SNX9: variants seen among roughly 807,000 people sequenced by gnomAD.
SNX9 encodes the protein sorting nexin-9.
Under a neutral mutation model 89.4 loss-of-function variants are expected in SNX9, and 44 were observed. That is an observed-to-expected ratio of 0.49 (90% confidence interval 0.39 to 0.63). The LOEUF is 0.63. SNX9 is among the 30% of genes least tolerant of loss of function. SNX9 has a pLI of 0.00. For missense variants in SNX9, 578 were observed against 736.1 expected, an observed-to-expected ratio of 0.79 and a Z score of 2.49; for synonymous variants, 236 against 247.8, an observed-to-expected ratio of 0.95 and a Z score of 0.45.
Position 157,942,879 on chromosome 6 carries a change from T to C in SNX9, c.*41T>C, listed in dbSNP as rs372480412. 3 of 1,591,530 alleles carry C rather than the reference T, an allele frequency of 1.9e-6. No individual in the cohort carries two copies. Among genetic ancestry groups the C allele is most frequent in the Middle Eastern group, 1.7e-4 (1 of 6,008 alleles). The stretch of plus-strand genomic sequence containing the variant: ...GAAGAGAATGCCGCGTGCTTTCTCC[T>C]GACTTGGGGCAATGCAATTCAAAAC... On this transcript the variant is annotated 3_prime_UTR_variant, in exon 18 of 18. Transcript: ENST00000392185.
chr6:157,888,187 C>T (rs1430494301), intron 4 of SNX9, among the ~76,000 whole-genome samples: 3 of 152,206 alleles, frequency 2.0e-5, no homozygotes, highest in Non-Finnish European at 4.4e-5. Context: ...CTCTCACATA[C>T]ATGTCTAATG....
At chr6:157,893,301 G>T (rs1244395952) in intron 4 of SNX9, among the ~76,000 whole-genome samples, 1 of 152,160 alleles carries the variant, frequency 6.6e-6, no homozygotes, top group African/African-American at 2.4e-5. Context: ...AGAAGTCACA[G>T]TCTTGTGGAT....
intron 15 of SNX9, among the ~76,000 whole-genome samples, chr6:157,938,313 C>T (rs978637015): frequency 6.6e-6 from 1 of 152,224 alleles, no homozygotes; most frequent in African/African-American, 2.4e-5. Flanking sequence ...CCTGCTAATG[C>T]CTGATTTCCA....
chr6:157,891,929 G>A (rs889695435), intron 4 of SNX9, among the ~76,000 whole-genome samples: 18 of 152,204 alleles, frequency 1.2e-4, no homozygotes, highest in African/African-American at 3.9e-4. Context: ...AATGCAGCAC[G>A]AGGCAAAGTT....
chr6:157,875,549 G>A (rs766785592), intron 4 of SNX9, among the ~76,000 whole-genome samples: 2 of 152,108 alleles, frequency 1.3e-5, no homozygotes, highest in African/African-American at 4.8e-5. Context: ...CCTGGATCAG[G>A]AAATAGATGC....
In SNX9 at chr6:157,867,784, T is replaced by G. The variant is rs61039577; in HGVS notation, c.99+151T>G. The G allele has an allele frequency of 4.6e-6, 3 of 655,968 alleles. No individual in the cohort carries two copies. In the African/African-American group the frequency reaches 5.5e-5, roughly 12 times the overall value. 40.6% of individuals were successfully genotyped at this position (655,968 alleles called of 1,614,324 possible). ...TGTAAGTTAATCATTCAAACCCACA[T>G]GATTTTTTTCCTGTTGCTTATGAAA... On this transcript the variant is annotated intron_variant, in intron 2 of 17. Coordinates refer to ENST00000392185, the MANE Select transcript of SNX9 (RefSeq NM_016224.5).
intron 2 of SNX9, among the ~76,000 whole-genome samples, chr6:157,871,158 C>T (rs1053197164): frequency 9.9e-5 from 15 of 151,546 alleles, no homozygotes; most frequent in Non-Finnish European, 1.8e-4. Context: ...GCAGGGGGAT[C>T]GCTTTGAGCT....
intron 1 of SNX9, among the ~76,000 whole-genome samples, chr6:157,858,614 A>C (rs1170702139): frequency 1.3e-5 from 2 of 152,132 alleles, no homozygotes; most frequent in Non-Finnish European, 2.9e-5. Flanking sequence ...CCATTGTTAC[A>C]ATCTACCTTG....
chr6:157,925,891 G>A (rs1454542914), intron 10 of SNX9, among the ~76,000 whole-genome samples: 1 of 150,900 alleles, frequency 6.6e-6, no homozygotes, highest in African/African-American at 2.5e-5. Flanking sequence ...GCTGGAAGTC[G>A]AAGATCAAGG....
intron 4 of SNX9, among the ~76,000 whole-genome samples, chr6:157,895,472 G>A (rs1454096977): frequency 6.6e-6 from 1 of 152,012 alleles, no homozygotes; most frequent in East Asian, 1.9e-4. Context: ...TGGTATTATA[G>A]TACCCAAAGA....
chr6:157,871,758 A>G lies in SNX9; in HGVS notation c.100-1344A>G, dbSNP rs543331421. Among the ~76,000 whole-genome samples, 5 of 148,164 alleles carry G rather than the reference A, an allele frequency of 3.4e-5. No individual in the cohort carries two copies. The South Asian group carries it at 1.1e-3, about 32-fold the overall frequency. Reference sequence around the variant, plus strand: ...GTTTTAATCATAGCAGAGATTAAAGATTCTTCAGTCTTACCTTTTTTTTTT... The same window carrying G: ...GTTTTAATCATAGCAGAGATTAAAGGTTCTTCAGTCTTACCTTTTTTTTTT... On this transcript the variant is annotated intron_variant, in intron 2 of 17. Coordinates refer to ENST00000392185, the MANE Select transcript of SNX9 (RefSeq NM_016224.5).
chr6:157,903,777 G>A (rs139447316), intron 6 of SNX9, among the ~76,000 whole-genome samples: 4 of 152,178 alleles, frequency 2.6e-5, no homozygotes, highest in East Asian at 1.9e-4. Flanking sequence ...GGCAAGTTTC[G>A]TGACCTGTTG....
chr6:157,826,502 G>GGAAAAAAAA (rs1554290484), intron 1 of SNX9, among the ~76,000 whole-genome samples: 2 of 78,038 alleles, frequency 2.6e-5, no homozygotes, highest in African/African-American at 8.4e-5. Context: ...TCCATCTCAA[G>GGAAAAAAAA]AAAAAAAAAA....
At chr6:157,941,741 C>T (rs1347923440) in intron 17 of SNX9, among the ~76,000 whole-genome samples, 4 of 152,192 alleles carry the variant, frequency 2.6e-5, no homozygotes, top group Non-Finnish European at 5.9e-5. Context: ...CTGCTGAAAA[C>T]GCCTGTCTCC....
intron 4 of SNX9, among the ~76,000 whole-genome samples, chr6:157,888,230 T>C (rs1341877229): frequency 2.0e-5 from 3 of 152,022 alleles, no homozygotes; most frequent in Non-Finnish European, 2.9e-5. Context: ...AATATTAACA[T>C]TTTTTTTAAC....
At chr6:157,868,838 A>G (rs765865488) in intron 2 of SNX9, among the ~76,000 whole-genome samples, 79 of 152,318 alleles carry the variant, frequency 5.2e-4, no homozygotes, top group Admixed American at 4.2e-3. Flanking sequence ...ACTTGAACCC[A>G]TCGTTACCTG....
chr6:157,934,054 C>T (rs1235265021), intron 13 of SNX9: 3 of 152,210 alleles, frequency 2.0e-5, no homozygotes, highest in Non-Finnish European at 4.4e-5. Context: ...TCCATCACAT[C>T]CACTTGCTCA....
intron 12 of SNX9, among the ~76,000 whole-genome samples, chr6:157,930,022 A>G (rs1252769509): frequency 6.6e-6 from 1 of 152,120 alleles, no homozygotes; most frequent in Non-Finnish European, 1.5e-5. Flanking sequence ...TCATAATGGT[A>G]GAGTTGAGTA....
chr6:157,899,440 T>G (rs914956947), intron 5 of SNX9, among the ~76,000 whole-genome samples: 3 of 152,170 alleles, frequency 2.0e-5, no homozygotes, highest in African/African-American at 7.2e-5. Context: ...CCACTTAACA[T>G]TCTTACAGTC....
Sources: gnomAD v4.1 joint callset for allele counts (sites outside exome capture counted in the v4.1 genomes callset) on GRCh38, gnomAD v4.1.1 for gene constraint, MANE v1.5 for transcripts, NCBI Gene and HGNC (gene_info 2026-07-23, HGNC 2026-07-21) for gene names.